THEMIS: variants seen among roughly 807,000 people sequenced by gnomAD.
The protein encoded by THEMIS is protein THEMIS.
A neutral mutation model predicts 52.6 loss-of-function variants in THEMIS; 37 were observed. That is an observed-to-expected ratio of 0.70 (90% CI 0.54 to 0.93). The LOEUF (loss-of-function observed/expected upper bound fraction) is 0.93. THEMIS is among the 40% of genes least tolerant of loss of function. THEMIS has a pLI of 0.00. For synonymous variants in THEMIS, 292 were observed against 272.7 expected (o/e 1.07, Z -0.70); for missense variants, 808 against 763.1 (o/e 1.06, Z -0.69).
intron 4 of THEMIS, among the ~76,000 whole-genome samples, chr6:127,762,709 C>A (rs1329221606): frequency 2.0e-5 from 3 of 152,044 alleles, no homozygotes; most frequent in Non-Finnish European, 2.9e-5. Context: ...CCATTATTTC[C>A]TCTACTCAAT....
At chr6:127,822,774 T>G (rs1382241876) in intron 3 of THEMIS, among the ~76,000 whole-genome samples, 2 of 152,106 alleles carry the variant, frequency 1.3e-5, no homozygotes, top group Non-Finnish European at 1.5e-5. Flanking sequence ...CAGTAAAGGA[T>G]GTTACCTTCC....
intron 1 of THEMIS, among the ~76,000 whole-genome samples, chr6:127,916,073 T>A (rs371056024): frequency 1.3e-5 from 2 of 152,168 alleles, no homozygotes; most frequent in East Asian, 1.9e-4. Context: ...TTTTGGGCAA[T>A]GCAAGTCTGC....
At chr6:127,850,670 G>A (rs540166166) in intron 2 of THEMIS, among the ~76,000 whole-genome samples, 72 of 151,754 alleles carry the variant, frequency 4.7e-4, no homozygotes, top group Non-Finnish European at 8.4e-4. Context: ...TCACTTACAA[G>A]TAGGAGCTAA....
At chr6:127,771,942 G>T (rs1349901394) in intron 4 of THEMIS, among the ~76,000 whole-genome samples, 1 of 152,016 alleles carries the variant, frequency 6.6e-6, no homozygotes, top group Non-Finnish European at 1.5e-5. Context: ...GGAAATGTAC[G>T]ATTTAGTTTT....
At position 127,813,224 on chromosome 6, in the gene THEMIS, A is replaced by G. The variant is rs1279015852; in HGVS notation, c.1417T>C (p.Leu473=). 2 of 1,614,098 alleles carry G rather than the reference A, an allele frequency of 1.2e-6. No individual in the cohort carries two copies. The highest frequency in any genetic ancestry group is 1.7e-6 in the Non-Finnish European group (2 of 1,180,014). The change falls in exon 4 of 6, where the codon TTG becomes CTG. Residue 473 remains leucine, a synonymous_variant. Coordinates refer to ENST00000368248, the MANE Select transcript of THEMIS (RefSeq NM_001010923.3). ...VRDLSIEEDV[L]AATPGLQLEE... ...AACTGCAGTCCTGGTGTGGCAGCCA[A>G]CACGTCCTCTTCAATGGAAAGATCC...
the THEMIS span, among the ~76,000 whole-genome samples, chr6:127,700,517 A>G: frequency 2.0e-5 from 3 of 152,082 alleles, no homozygotes; most frequent in Non-Finnish European, 2.9e-5. Flanking sequence ...TTGATATACA[A>G]TGTAGAAAAC....
intron 1 of THEMIS, among the ~76,000 whole-genome samples, chr6:127,870,054 TC>T (rs1356140430): frequency 6.6e-6 from 1 of 152,076 alleles, no homozygotes; most frequent in African/African-American, 2.4e-5. Flanking sequence ...CAATAACAGT[TC>T]CCCAACCCCT....
rs760697836 is a variant in THEMIS, at chr6:127,855,048, G to C, written c.232C>G (p.Leu78Val). 7 of 1,607,102 alleles carry C rather than the reference G, an allele frequency of 4.4e-6. No homozygotes were observed. The highest frequency in any genetic ancestry group is 2.7e-5 in the African/African-American group (2 of 74,432). ...GCTGTACCTGGAAAATTCATAGGCA[G>C]TTCAAATGGCTGTAGAGACTCACAA... ...EGCESLQPFE[L>V]PMNFPGLFKI... Residue 78 changes from leucine (L) to valine (V), a missense_variant, in exon 2 of 6, where the codon CTG becomes GTG. Leu to Val is a conservative substitution (Grantham distance 32). Transcript: ENST00000368248.
At chr6:127,877,808 T>C (rs1193817889) in intron 1 of THEMIS, among the ~76,000 whole-genome samples, 3 of 152,082 alleles carry the variant, frequency 2.0e-5, no homozygotes, top group South Asian at 2.1e-4. Flanking sequence ...ATGGTGCCAA[T>C]AGAATTGCTC....
chr6:127,848,268 A>G (rs1214619422), intron 2 of THEMIS, among the ~76,000 whole-genome samples: 1 of 151,656 alleles, frequency 6.6e-6, no homozygotes, highest in East Asian at 2.0e-4. Flanking sequence ...CATTTTTTAT[A>G]GCTGCATAGT....
At chr6:127,765,541 C>T (rs1397418597) in intron 4 of THEMIS, among the ~76,000 whole-genome samples, 4 of 152,044 alleles carry the variant, frequency 2.6e-5, no homozygotes, top group African/African-American at 7.2e-5. Flanking sequence ...AACTACTACT[C>T]GAGCTATTTA....
the THEMIS span, among the ~76,000 whole-genome samples, chr6:127,697,151 A>G: frequency 6.6e-6 from 1 of 152,180 alleles, no homozygotes; most frequent in African/African-American, 2.4e-5. Context: ...GCCTCTGAGA[A>G]TAATTCCCAA....
At chr6:127,763,047 A>G (rs1176797173) in intron 4 of THEMIS, among the ~76,000 whole-genome samples, 3 of 152,010 alleles carry the variant, frequency 2.0e-5, no homozygotes, top group Non-Finnish European at 4.4e-5. Context: ...GACAAAGGGA[A>G]TGCTTTTAAG....
At chr6:127,744,143 G>T (rs1019690583) in intron 4 of THEMIS, among the ~76,000 whole-genome samples, 3 of 152,016 alleles carry the variant, frequency 2.0e-5, no homozygotes, top group Admixed American at 2.0e-4. Flanking sequence ...TCTTTATTGG[G>T]TTTACCAGAG....
intron 4 of THEMIS, among the ~76,000 whole-genome samples, chr6:127,784,252 G>A (rs1008445877): frequency 6.6e-6 from 1 of 152,136 alleles, no homozygotes; most frequent in African/African-American, 2.4e-5. Context: ...GGAGGGCTAG[G>A]GGAGGGATAG....
chr6:127,754,555 A>G (rs749059303), intron 4 of THEMIS, among the ~76,000 whole-genome samples: 5 of 152,176 alleles, frequency 3.3e-5, no homozygotes, highest in Non-Finnish European at 7.4e-5. Flanking sequence ...TATACACTGG[A>G]ACACAGGGAA....
At chr6:127,827,292 T>A (rs970701731) in intron 3 of THEMIS, among the ~76,000 whole-genome samples, 1 of 152,204 alleles carries the variant, frequency 6.6e-6, no homozygotes, top group Admixed American at 6.5e-5. Flanking sequence ...GTATTTGTGA[T>A]AAGACACCCC....
intron 4 of THEMIS, among the ~76,000 whole-genome samples, chr6:127,785,491 A>C (rs1048064828): frequency 6.0e-5 from 9 of 151,116 alleles, no homozygotes; most frequent in East Asian, 3.9e-4. Context: ...AAAAAAAAAA[A>C]CAATACTTTC....
chr6:127,852,408 C>A (rs1458423157), intron 2 of THEMIS, among the ~76,000 whole-genome samples: 3 of 151,292 alleles, frequency 2.0e-5, no homozygotes, highest in Admixed American at 2.0e-4. Flanking sequence ...AACACTTACC[C>A]AACAAAAATA....
Sources: allele counts gnomAD v4.1 joint callset (sites outside exome capture counted in the v4.1 genomes callset), GRCh38; gene constraint gnomAD v4.1.1; transcripts MANE v1.5; gene names NCBI Gene and HGNC (gene_info 2026-07-23, HGNC 2026-07-21).